The following MBOAT2 variants were observed in gnomAD, a reference collection of about 807,000 sequenced individuals.
The protein encoded by MBOAT2 is membrane-bound glycerophospholipid O-acyltransferase 2.
A neutral mutation model predicts 63.4 loss-of-function variants in MBOAT2; 28 were observed. That is an observed-to-expected ratio of 0.44 (90% CI 0.33 to 0.61). The LOEUF is 0.61. Ranked by LOEUF, MBOAT2 falls within the 20% of genes least tolerant of loss-of-function variation. The pLI is 0.03. For synonymous variants in MBOAT2, 211 were observed against 215.6 expected, an observed-to-expected ratio of 0.98 and a Z score of 0.19; for missense variants, 470 against 605.8, an observed-to-expected ratio of 0.78 and a Z score of 2.35.
intron 9 of MBOAT2, among the ~76,000 whole-genome samples, chr2:8,867,065 T>C (rs1661950920): frequency 6.6e-6 from 1 of 152,194 alleles, no homozygotes; most frequent in South Asian, 2.1e-4. Context: ...GGTTTTCTTT[T>C]TTTTTTGAGA....
At chr2:8,902,904 C>A (rs1665065059) in intron 4 of MBOAT2, among the ~76,000 whole-genome samples, 1 of 152,144 alleles carries the variant, frequency 6.6e-6, no homozygotes, top group Non-Finnish European at 1.5e-5. Flanking sequence ...GCTTTTATTC[C>A]CTTATTTGGC....
At chr2:8,876,904 T>C (rs998967) in intron 7 of MBOAT2, 126 bp downstream of exon 7, 272,084 of 925,428 alleles carry the variant, frequency 0.29, 46,350 homozygotes, top group African/African-American at 0.65. Context: ...AGTGTGAAGT[T>C]ATTTATCTTG....
At position 8,862,758 on chromosome 2, in the gene MBOAT2, G is replaced by C; in HGVS notation, c.1053-36C>G. 1 of 1,591,576 alleles carries C rather than the reference G, an allele frequency of 6.3e-7. No individual in the cohort carries two copies. Among genetic ancestry groups the C allele is most frequent in the Non-Finnish European group, 8.5e-7 (1 of 1,171,710 alleles). On this transcript the variant is annotated intron_variant, in intron 10 of 12. Transcript: ENST00000305997. The surrounding 1 kb of genome is among the most constrained non-coding windows in gnomAD (Gnocchi z 4.3). ...TGAAAAACATGGAGAGCCAAGTGGA[G>C]TGAGTGACCCGAGTTTACAAAGCCT...
intron 1 of MBOAT2, among the ~76,000 whole-genome samples, chr2:8,963,089 A>C (rs188361371): frequency 3.9e-4 from 59 of 152,080 alleles, no homozygotes; most frequent in African/African-American, 1.3e-3. Context: ...AAATACAAAA[A>C]TTAGCTGGGC....
At chr2:8,933,789 C>T (rs1667483020) in intron 3 of MBOAT2, among the ~76,000 whole-genome samples, 1 of 152,080 alleles carries the variant, frequency 6.6e-6, no homozygotes, top group Non-Finnish European at 1.5e-5. Context: ...AAAGTAATGC[C>T]TTTATTTAGC....
At chr2:8,931,050 T>C (rs1667282586) in intron 3 of MBOAT2, among the ~76,000 whole-genome samples, 1 of 152,024 alleles carries the variant, frequency 6.6e-6, no homozygotes, top group Non-Finnish European at 1.5e-5. Context: ...ACCTCTGGCA[T>C]TACAGGATTG....
intron 5 of MBOAT2, among the ~76,000 whole-genome samples, chr2:8,885,218 C>T (rs969256000): frequency 2.6e-5 from 4 of 152,142 alleles, no homozygotes; most frequent in African/African-American, 9.7e-5. Flanking sequence ...GGAATCATGG[C>T]GATGCCAAAC....
intron 1 of MBOAT2, among the ~76,000 whole-genome samples, chr2:8,987,489 G>C (rs1671652129): frequency 6.6e-6 from 1 of 152,210 alleles, no homozygotes; most frequent in Admixed American, 6.5e-5. Flanking sequence ...ATTGCCAAAT[G>C]AAAACTCTGA....
chr2:8,910,847 T>C (rs1216838352), intron 3 of MBOAT2, among the ~76,000 whole-genome samples: 1 of 152,184 alleles, frequency 6.6e-6, no homozygotes, highest in East Asian at 1.9e-4. Flanking sequence ...AAGAGATGTT[T>C]AGGTCCCCAA....
At chr2:8,878,124 G>T (rs1168476043) in intron 6 of MBOAT2, among the ~76,000 whole-genome samples, 1 of 152,226 alleles carries the variant, frequency 6.6e-6, no homozygotes, top group Non-Finnish European at 1.5e-5. Flanking sequence ...ACGTATCCTG[G>T]CAGTGGAGCC....
chr2:8,993,574 GCACAGTTCCCAGGAAAAGTCC>G (rs1394122717), intron 1 of MBOAT2, among the ~76,000 whole-genome samples: 2 of 152,200 alleles, frequency 1.3e-5, no homozygotes, highest in Admixed American at 1.3e-4. Context: ...CAGGAAAAGT[GCACAGTTCCCAGGAAAAGTCC>G]CCTGGGAACA....
chr2:8,873,292 A>C lies in MBOAT2; in HGVS notation c.699T>G (p.Val233=), dbSNP rs750796615. 16 of 1,612,642 alleles carry C rather than the reference A, an allele frequency of 9.9e-6. No individual in the cohort carries two copies. Among genetic ancestry groups the C allele is most frequent in the Non-Finnish European group, 1.4e-5 (16 of 1,179,134 alleles). The stretch of plus-strand genomic sequence containing the variant: ...GCCCACAAACTAAGAGCTTCTGAAC[A>C]ACCGCAGTCTGAAAAGCGCAAGGCG... ...ERTEPSPNTA[V]VQKLLVCGLS... The change falls in exon 8 of 13, where the codon GTT becomes GTG. Residue 233 remains valine, a synonymous_variant. Transcript: ENST00000305997.
chr2:9,002,806 CT>C (rs1672796622), intron 1 of MBOAT2, among the ~76,000 whole-genome samples: 2 of 152,208 alleles, frequency 1.3e-5, no homozygotes, highest in South Asian at 4.1e-4. Flanking sequence ...TCCCTAGACA[CT>C]GTCAAGAGCT....
intron 4 of MBOAT2, among the ~76,000 whole-genome samples, chr2:8,893,375 A>G (rs933287528): frequency 2.0e-5 from 3 of 152,212 alleles, no homozygotes; most frequent in East Asian, 1.9e-4. Flanking sequence ...GCAGCTGGAC[A>G]TAAGAGTCAG....
At chr2:8,982,393 C>T (rs1005975313) in intron 1 of MBOAT2, among the ~76,000 whole-genome samples, 1 of 152,164 alleles carries the variant, frequency 6.6e-6, no homozygotes, top group African/African-American at 2.4e-5. Flanking sequence ...ACAGCCAGAA[C>T]CAAAAATGCT....
rs1664207555 is a variant in MBOAT2, at chr2:8,893,859, GC to G, written c.396-5787del. ...GTTCCAAGGAGAGACACTGGGATAA[GC>G]AGCAGAACTGAAGAAGAAAGAACAG... is the stretch of plus-strand genomic sequence containing the variant. On this transcript the variant is annotated intron_variant, in intron 4 of 12. Transcript: ENST00000305997. Among the ~76,000 whole-genome samples, 3 of 152,180 alleles carry G rather than the reference GC, an allele frequency of 2.0e-5. No individual in the cohort carries two copies. In the South Asian group the frequency reaches 6.2e-4, roughly 32 times the overall value.
chr2:8,952,600 T>A (rs1668910366), intron 2 of MBOAT2, among the ~76,000 whole-genome samples: 1 of 152,234 alleles, frequency 6.6e-6, no homozygotes, highest in Non-Finnish European at 1.5e-5. Context: ...AGTGCTCCAA[T>A]GTTGCACATG....
chr2:8,948,266 A>C (rs1052218405), intron 2 of MBOAT2, among the ~76,000 whole-genome samples: 1 of 152,228 alleles, frequency 6.6e-6, no homozygotes, highest in Non-Finnish European at 1.5e-5. Context: ...TGAGCAAAGA[A>C]AGTGATTCCT....
chr2:8,999,513 C>T (rs1235493836), intron 1 of MBOAT2, among the ~76,000 whole-genome samples: 2 of 152,160 alleles, frequency 1.3e-5, no homozygotes, highest in African/African-American at 2.4e-5. Flanking sequence ...TGATCTGGGA[C>T]ATTTAATTAT....
Sources: gnomAD v4.1 joint callset for allele counts (sites outside exome capture counted in the v4.1 genomes callset) on GRCh38, gnomAD v4.1.1 for gene constraint, Gnocchi (gnomAD v3.1) non-coding constraint, MANE v1.5 for transcripts, NCBI Gene and HGNC (gene_info 2026-07-23, HGNC 2026-07-21) for gene names.